The following ARB2A variants were observed in gnomAD, a reference collection of about 807,000 sequenced individuals.
ARB2A encodes the protein ARB2 cotranscriptional regulator A.
At chr5:93,879,894 A>G in the ARB2A span, among the ~76,000 whole-genome samples, 1 of 151,916 alleles carries the variant, frequency 6.6e-6, no homozygotes, top group African/African-American at 2.4e-5. Flanking sequence ...AAAGCCTTAT[A>G]TAATTCATTT....
At chr5:93,958,963 A>G in the ARB2A span, 2 of 1,570,228 alleles carry the variant, frequency 1.3e-6, no homozygotes, top group Non-Finnish European at 1.7e-6. Context: ...TCTCAGTGGC[A>G]TCTACCTGTA....
At chr5:93,904,290 G>A in the ARB2A span, among the ~76,000 whole-genome samples, 4 of 151,828 alleles carry the variant, frequency 2.6e-5, no homozygotes, top group Non-Finnish European at 5.9e-5. Flanking sequence ...TCAATTAACA[G>A]CTGACTATAC....
chr5:94,050,683 A>T, the ARB2A span: 1 of 1,386,110 alleles, frequency 7.2e-7, no homozygotes, highest in East Asian at 2.3e-5. Context: ...TTTATTCTGA[A>T]TATTTAAAAT....
At chr5:93,909,610 A>G in the ARB2A span, among the ~76,000 whole-genome samples, 1 of 150,982 alleles carries the variant, frequency 6.6e-6, no homozygotes, top group South Asian at 2.1e-4. Context: ...TAAAAATAGA[A>G]TTGGTAAGTA....
At chr5:93,909,464 C>T in the ARB2A span, among the ~76,000 whole-genome samples, 3 of 150,706 alleles carry the variant, frequency 2.0e-5, no homozygotes, top group Admixed American at 6.6e-5. Flanking sequence ...TCTCTACAAA[C>T]GTATTATATC....
the ARB2A span, among the ~76,000 whole-genome samples, chr5:93,870,055 G>A: frequency 6.6e-6 from 1 of 152,194 alleles, no homozygotes; most frequent in African/African-American, 2.4e-5. Context: ...CCATTCTAGA[G>A]AAAAAACGGA....
the ARB2A span, among the ~76,000 whole-genome samples, chr5:93,915,885 A>G: frequency 6.6e-6 from 1 of 152,044 alleles, no homozygotes; most frequent in Non-Finnish European, 1.5e-5. Context: ...AAGATTAGGA[A>G]AGCTAGTGTG....
At chr5:93,842,622 C>T in the ARB2A span, among the ~76,000 whole-genome samples, 1 of 152,120 alleles carries the variant, frequency 6.6e-6, no homozygotes, top group Non-Finnish European at 1.5e-5. Flanking sequence ...TAATTTAGCA[C>T]ATCTGACAAA....
chr5:93,869,830 C>T, the ARB2A span, among the ~76,000 whole-genome samples: 1 of 152,220 alleles, frequency 6.6e-6, no homozygotes, highest in African/African-American at 2.4e-5. Flanking sequence ...CAAAACATTG[C>T]TCCTAACTCC....
chr5:93,877,515 T>C, the ARB2A span, among the ~76,000 whole-genome samples: 13,217 of 152,164 alleles, frequency 0.087, 777 homozygotes, highest in Middle Eastern at 0.17. Flanking sequence ...AAGCAGCACA[T>C]ATCTGCTTTT....
At chr5:94,063,857 T>A in the ARB2A span, among the ~76,000 whole-genome samples, 1 of 152,030 alleles carries the variant, frequency 6.6e-6, no homozygotes, top group African/African-American at 2.4e-5. Context: ...GAAAAAATCA[T>A]CCATTATGAT....
the ARB2A span, among the ~76,000 whole-genome samples, chr5:93,853,722 G>T: frequency 6.6e-6 from 1 of 152,166 alleles, no homozygotes. Flanking sequence ...TAATCATGTG[G>T]TTTTTGTCTT....
chr5:93,995,569 A>C, the ARB2A span, among the ~76,000 whole-genome samples: 19 of 152,168 alleles, frequency 1.2e-4, no homozygotes, highest in Non-Finnish European at 2.8e-4. Flanking sequence ...TTTTATTGGT[A>C]AGGCTCCCAA....
the ARB2A span, among the ~76,000 whole-genome samples, chr5:93,635,933 A>C: frequency 6.6e-6 from 1 of 152,242 alleles, no homozygotes; most frequent in East Asian, 1.9e-4. Flanking sequence ...CACAAACACA[A>C]TTAACCATAA....
chr5:94,062,931 C>G, the ARB2A span, among the ~76,000 whole-genome samples: 5 of 152,352 alleles, frequency 3.3e-5, no homozygotes, highest in African/African-American at 1.2e-4. Flanking sequence ...GATACACTCC[C>G]CTAAGCATGG....
the ARB2A span, among the ~76,000 whole-genome samples, chr5:93,932,485 G>A: frequency 6.6e-6 from 1 of 152,098 alleles, no homozygotes; most frequent in African/African-American, 2.4e-5. Context: ...ATTATTTGAA[G>A]ATAAGTAGTC....
the ARB2A span, among the ~76,000 whole-genome samples, chr5:94,054,595 T>C: frequency 6.6e-6 from 1 of 152,192 alleles, no homozygotes; most frequent in Non-Finnish European, 1.5e-5. Flanking sequence ...TAAGGTACTA[T>C]ATGCCAGGCC....
chr5:93,916,610 C>T, the ARB2A span, among the ~76,000 whole-genome samples: 161 of 152,148 alleles, frequency 1.1e-3, no homozygotes, highest in African/African-American at 3.6e-3. Flanking sequence ...TTTGTAATTT[C>T]GAGAGTCTCT....
the ARB2A span, among the ~76,000 whole-genome samples, chr5:93,837,317 G>A: frequency 1.3e-5 from 2 of 152,096 alleles, no homozygotes; most frequent in East Asian, 3.9e-4. Flanking sequence ...TGGCTGTGTA[G>A]TATTCCACGG....
Sources: gnomAD v4.1 joint callset for allele counts (sites outside exome capture counted in the v4.1 genomes callset) on GRCh38, gnomAD v4.1.1 for gene constraint, MANE v1.5 for transcripts, NCBI Gene and HGNC (gene_info 2026-07-23, HGNC 2026-07-21) for gene names.